Variants in DOCK8 observed in about 807,000 individuals in gnomAD.
DOCK8 encodes dedicator of cytokinesis protein 8.
In DOCK8, 141 loss-of-function variants were observed where a neutral mutation model predicts 245.6. The ratio of observed to expected loss-of-function variants is 0.57; its 90% confidence interval spans 0.50 to 0.66. The LOEUF (loss-of-function observed/expected upper bound fraction) is 0.66, where lower values mean the gene tolerates loss of function less well. Ranked by LOEUF, DOCK8 falls within the 30% of genes least tolerant of loss-of-function variation. DOCK8 has a pLI of 0.00. For synonymous variants in DOCK8, 1,168 were observed against 970.2 expected (o/e 1.20, Z -3.79); for missense variants, 2,965 against 2,603.4 (o/e 1.14, Z -3.02).
At chr9:226,361 A>T (rs2046990462) in intron 1 of DOCK8, among the ~76,000 whole-genome samples, 1 of 152,182 alleles carries the variant, frequency 6.6e-6, no homozygotes, top group African/African-American at 2.4e-5. Flanking sequence ...ACAATTCAAG[A>T]TGAGATTTGG....
chr9:356,153 G>T (rs912173965), intron 14 of DOCK8, among the ~76,000 whole-genome samples: 55 of 152,164 alleles, frequency 3.6e-4, no homozygotes, highest in Admixed American at 3.3e-3. Context: ...GGGTTCCAAG[G>T]ACAGTGGCTG....
intron 1 of DOCK8, among the ~76,000 whole-genome samples, chr9:248,180 T>C (rs1203325045): frequency 6.6e-6 from 1 of 152,332 alleles, no homozygotes; most frequent in South Asian, 2.1e-4. Flanking sequence ...ACATTCACTG[T>C]CCACCCTGGG....
intron 14 of DOCK8, among the ~76,000 whole-genome samples, chr9:364,652 A>G (rs991281758): frequency 2.6e-5 from 4 of 152,032 alleles, no homozygotes; most frequent in African/African-American, 9.7e-5. Context: ...AAAAAAAAAA[A>G]AAAAAAAGGT....
At chr9:308,628 A>G (rs987544319) in intron 5 of DOCK8, among the ~76,000 whole-genome samples, 3 of 152,200 alleles carry the variant, frequency 2.0e-5, no homozygotes, top group African/African-American at 7.2e-5. Flanking sequence ...TTAGCAATAT[A>G]CTGTGATTAT....
At position 426,946 on chromosome 9, in the gene DOCK8, T is replaced by G; in HGVS notation, c.4303T>G (p.Leu1435Val). 1 of 1,614,098 alleles carries G rather than the reference T, an allele frequency of 6.2e-7. No individual in the cohort carries two copies. Among genetic ancestry groups the G allele is most frequent in the Non-Finnish European group, 8.5e-7 (1 of 1,180,036 alleles). Residue 1435 changes from leucine (L) to valine (V), a missense_variant, in exon 34 of 48, where the codon TTA becomes GTA. Around this residue, in one of 3 missense-constraint regions of DOCK8, gnomAD observed 2,825 missense variants for 2,453.5 expected, o/e 1.15. Coordinates refer to ENST00000432829, the MANE Select transcript of DOCK8 (RefSeq NM_203447.4). Reference sequence around the variant, plus strand: ...TGGCAATCTGGCTACAGAAGCACATTTAATCATCCTGGATATGCAGGAAAA... The same window carrying G: ...TGGCAATCTGGCTACAGAAGCACATGTAATCATCCTGGATATGCAGGAAAA... ...ISGNLATEAH[L>V]IILDMQENII... is the part of the protein sequence containing the mutation.
intron 46 of DOCK8, among the ~76,000 whole-genome samples, chr9:459,192 G>A (rs1038975685): frequency 6.6e-6 from 1 of 152,170 alleles, no homozygotes; most frequent in Non-Finnish European, 1.5e-5. Context: ...TGTTTGCAGT[G>A]TCATTTTATG....
At chr9:331,710 C>G (rs1296082569) in intron 9 of DOCK8, among the ~76,000 whole-genome samples, 1 of 152,136 alleles carries the variant, frequency 6.6e-6, no homozygotes, top group Non-Finnish European at 1.5e-5. Context: ...AGTCACTTTA[C>G]CTGAAGCAAG....
intron 1 of DOCK8, among the ~76,000 whole-genome samples, chr9:251,226 C>G (rs979772961): frequency 3.9e-5 from 6 of 152,096 alleles, no homozygotes; most frequent in African/African-American, 1.4e-4. Flanking sequence ...TTTTATTGTG[C>G]TTAATATTTG....
intron 2 of DOCK8, among the ~76,000 whole-genome samples, chr9:277,475 A>AGGG (rs1260887889): frequency 8.1e-6 from 1 of 123,296 alleles, no homozygotes; most frequent in African/African-American, 4.8e-5. Flanking sequence ...AGAAGAGAAG[A>AGGG]GAAGAGAAGA....
chr9:441,839 A>T, intron 41 of DOCK8, 36 bp from the exon 42 acceptor site: 1 of 1,614,006 alleles, frequency 6.2e-7, no homozygotes, highest in Non-Finnish European at 8.5e-7. Context: ...TCAGGATGAC[A>T]TAACTAAGGA....
intron 2 of DOCK8, among the ~76,000 whole-genome samples, chr9:271,960 A>G (rs1286366992): frequency 6.6e-6 from 1 of 152,118 alleles, no homozygotes; most frequent in Admixed American, 6.5e-5. Flanking sequence ...TGATGTCTCT[A>G]GACTAGGTGG....
intron 24 of DOCK8, among the ~76,000 whole-genome samples, chr9:391,671 G>T (rs558444234): frequency 2.6e-4 from 39 of 152,182 alleles, no homozygotes; most frequent in African/African-American, 9.2e-4. Context: ...ATAATGAGAT[G>T]ATGTTGAATG....
At chr9:455,432 C>G (rs552085268) in intron 46 of DOCK8, among the ~76,000 whole-genome samples, 1 of 152,158 alleles carries the variant, frequency 6.6e-6, no homozygotes, top group East Asian at 1.9e-4. Flanking sequence ...TAGCTTGAGC[C>G]CGAGGAGGTC....
chr9:397,356 A>G (rs2054512614), intron 25 of DOCK8, among the ~76,000 whole-genome samples: 2 of 149,856 alleles, frequency 1.3e-5, no homozygotes, highest in Admixed American at 6.7e-5. Context: ...GTCTCAAAAA[A>G]AAAAAAAAAA....
At chr9:430,930 C>T (rs1487921102) in intron 36 of DOCK8, among the ~76,000 whole-genome samples, 3 of 152,074 alleles carry the variant, frequency 2.0e-5, no homozygotes, top group Non-Finnish European at 1.5e-5. Flanking sequence ...AGTGTAGTGG[C>T]ACTATCAGAG....
chr9:245,345 CA>C (rs1484945128), intron 1 of DOCK8, among the ~76,000 whole-genome samples: 1 of 152,156 alleles, frequency 6.6e-6, no homozygotes, highest in Non-Finnish European at 1.5e-5. Flanking sequence ...GCTAGGATTA[CA>C]GGCAAGCACC....
rs1171105455 is a variant in DOCK8, at chr9:379,942, TTG to T, written c.2605+8_2605+9del. ...AGGGATGTGCCCAAGTCAGGTAGAG[TTG>T]CCCTGAGTGTGGGACTCTGGTGGGC... On this transcript the variant is annotated splice_region_variant and intron_variant, in intron 21 of 47. Coordinates refer to ENST00000432829, the MANE Select transcript of DOCK8 (RefSeq NM_203447.4). The T allele has an allele frequency of 6.2e-7, 1 of 1,613,256 alleles. No individual in the cohort carries two copies. Among genetic ancestry groups the T allele is most frequent in the African/African-American group, 1.3e-5 (1 of 74,904 alleles).
chr9:423,167 A>G (rs933132224), intron 33 of DOCK8, among the ~76,000 whole-genome samples: 4 of 152,108 alleles, frequency 2.6e-5, no homozygotes, highest in Non-Finnish European at 5.9e-5. Flanking sequence ...GTGTATTATA[A>G]TATATATTGT....
chr9:416,423 AT>A (rs764107559), intron 29 of DOCK8, among the ~76,000 whole-genome samples: 3 of 152,220 alleles, frequency 2.0e-5, no homozygotes, highest in Non-Finnish European at 4.4e-5. Flanking sequence ...GTCAATTAGA[AT>A]ATTCCGTATC....
Sources: allele counts gnomAD v4.1 joint callset (sites outside exome capture counted in the v4.1 genomes callset), GRCh38; gene constraint gnomAD v4.1.1; regional missense constraint gnomAD v4.1.1; transcripts MANE v1.5; gene names NCBI Gene and HGNC (gene_info 2026-07-23, HGNC 2026-07-21).